The following CALD1 variants were observed in gnomAD, a reference collection of about 807,000 sequenced individuals.
CALD1 encodes the protein caldesmon.
A neutral mutation model predicts 99.9 loss-of-function variants in CALD1; 33 were observed. The ratio of observed to expected loss-of-function variants is 0.33; its 90% CI spans 0.25 to 0.44. The LOEUF (loss-of-function observed/expected upper bound fraction) is 0.44, where lower values mean the gene tolerates loss of function less well. Among genes scored for constraint, CALD1 ranks in the 20% least tolerant of loss-of-function variants. The pLI, the probability that CALD1 is intolerant of heterozygous loss-of-function variation, is 1.00. For synonymous variants in CALD1, 310 were observed against 325.0 expected, an observed-to-expected ratio of 0.95 and a Z score of 0.50; for missense variants, 861 against 962.1, an observed-to-expected ratio of 0.89 and a Z score of 1.39.
At chr7:134,891,699 T>C (rs1452664409) in intron 3 of CALD1, 2 of 1,466,188 alleles carry the variant, frequency 1.4e-6, no homozygotes, top group South Asian at 2.7e-5. Flanking sequence ...GTCTCTTTGG[T>C]TTTTTCCTTT....
At chr7:134,788,983 C>T (rs548968476) in intron 1 of CALD1, among the ~76,000 whole-genome samples, 82 of 149,204 alleles carry the variant, frequency 5.5e-4, no homozygotes, top group African/African-American at 1.6e-3. Flanking sequence ...CCACTGCACT[C>T]CACCCTGGGT....
chr7:134,914,605 C>T (rs376596641), intron 3 of CALD1, among the ~76,000 whole-genome samples: 13 of 152,210 alleles, frequency 8.5e-5, no homozygotes, highest in African/African-American at 2.9e-4. Flanking sequence ...GCACGATTGG[C>T]GCCTCACTAA....
intron 14 of CALD1, among the ~76,000 whole-genome samples, chr7:134,967,944 G>C (rs1221561458): frequency 6.6e-6 from 1 of 152,102 alleles, no homozygotes; most frequent in African/African-American, 2.4e-5. Flanking sequence ...AGGAGTTTGA[G>C]ATCAGCCTGG....
At chr7:134,887,736 CTG>C (rs890184582) in intron 3 of CALD1, among the ~76,000 whole-genome samples, 23 of 101,034 alleles carry the variant, frequency 2.3e-4, no homozygotes, top group Admixed American at 8.2e-4. Context: ...ATGTGTTTGC[CTG>C]TGTGTGCATG....
At position 134,874,730 on chromosome 7, in the gene CALD1, T is replaced by C. The variant is rs141233651; in HGVS notation, c.71+6926T>C. 5.6e-3 allele frequency among the ~76,000 whole-genome samples: 852 copies of C among 151,394 alleles called. 4 individuals carry two copies. The highest frequency in any genetic ancestry group is 1.0e-2 in the South Asian group (48 of 4,804). On this transcript the variant is annotated intron_variant, in intron 3 of 14. Transcript: ENST00000361675. Reference sequence around the variant, plus strand: ...AAATAAAGGGAATGAAAACACTTGCTGTTGTCATCATTCATACATTTTTAT... The same window carrying C: ...AAATAAAGGGAATGAAAACACTTGCCGTTGTCATCATTCATACATTTTTAT...
chr7:134,749,717 T>C (rs1206513652), intron 1 of CALD1, among the ~76,000 whole-genome samples: 1 of 152,140 alleles, frequency 6.6e-6, no homozygotes, highest in Non-Finnish European at 1.5e-5. Context: ...CAGGTGCTCA[T>C]TCTAACACCA....
rs1807013720 is a variant in CALD1, at chr7:134,947,753, G to A, written c.1778G>A (p.Arg593Gln). 1 of 1,613,890 alleles carries A rather than the reference G, an allele frequency of 6.2e-7. No homozygotes were observed. ...EQRRKQEEAD[R>Q]KLREEEEKRR... ...AGGAGGAAGCAGGAGGAAGCCGATC[G>A]AAAACTCAGAGAGGAGGTAAGGCGG... Residue 593 changes from arginine to glutamine, a missense_variant, in exon 8 of 15, where the codon CGA (arginine) becomes CAA (glutamine). Physicochemically the swap from Arg to Gln is conservative, Grantham distance 43. Around this residue, in one of 5 missense-constraint regions of CALD1, gnomAD observed 190 missense variants for 249.0 expected, o/e 0.76. Transcript: ENST00000361675.
intron 1 of CALD1, among the ~76,000 whole-genome samples, chr7:134,756,854 C>G (rs950071237): frequency 5.9e-5 from 9 of 152,118 alleles, no homozygotes; most frequent in African/African-American, 2.2e-4. Context: ...CCCGTAGGAA[C>G]CTTAAATGCC....
intron 3 of CALD1, among the ~76,000 whole-genome samples, chr7:134,904,781 G>C (rs991451295): frequency 3.9e-5 from 6 of 152,086 alleles, no homozygotes; most frequent in African/African-American, 1.2e-4. Flanking sequence ...TCTCCGTGAA[G>C]TCTGGGTATT....
At chr7:134,723,534 CTTTTTTTTT>C in the CALD1 span, among the ~76,000 whole-genome samples, 54 of 87,696 alleles carry the variant, frequency 6.2e-4, no homozygotes, top group Non-Finnish European at 9.3e-4. Context: ...GAAAAGGTAA[CTTTTTTTTT>C]TTTTTTTTTT....
intron 3 of CALD1, among the ~76,000 whole-genome samples, chr7:134,913,970 C>T (rs961536699): frequency 5.3e-5 from 8 of 152,172 alleles, no homozygotes; most frequent in African/African-American, 1.9e-4. Flanking sequence ...ACTTGAAGAC[C>T]TGGGTCAATC....
At chr7:134,932,851 A>C (rs985827801) in intron 4 of CALD1, 137 bp from the exon 5 acceptor site, 1 of 576,964 alleles carries the variant, frequency 1.7e-6, no homozygotes, top group Non-Finnish European at 3.0e-6. Context: ...CGTGTACTAA[A>C]ATGGTAACGT....
intron 3 of CALD1, among the ~76,000 whole-genome samples, chr7:134,905,636 G>A (rs1459399504): frequency 1.3e-5 from 2 of 152,042 alleles, no homozygotes; most frequent in South Asian, 2.1e-4. Flanking sequence ...CCTGCTTGAT[G>A]AGCAAACTTC....
intron 1 of CALD1, among the ~76,000 whole-genome samples, chr7:134,752,396 T>C (rs1381248948): frequency 6.6e-6 from 1 of 152,248 alleles, no homozygotes; most frequent in Non-Finnish European, 1.5e-5. Flanking sequence ...GAATAAGTTA[T>C]GATTTTAGCA....
At chr7:134,945,010 A>T (rs987161784) in intron 7 of CALD1, among the ~76,000 whole-genome samples, 12 of 152,222 alleles carry the variant, frequency 7.9e-5, no homozygotes, top group Admixed American at 7.9e-4. Context: ...GGTGCTAATG[A>T]TATGTCTTCA....
At chr7:134,769,672 C>T (rs1796861299) in intron 1 of CALD1, among the ~76,000 whole-genome samples, 1 of 152,002 alleles carries the variant, frequency 6.6e-6, no homozygotes, top group Non-Finnish European at 1.5e-5. Context: ...GCTGTGTTGC[C>T]CAGACTAGAG....
chr7:134,769,436 C>G (rs1214736826), intron 1 of CALD1, among the ~76,000 whole-genome samples: 1 of 151,726 alleles, frequency 6.6e-6, no homozygotes, highest in Non-Finnish European at 1.5e-5. Flanking sequence ...CTTTTTTTTT[C>G]TTTACCAATC....
chr7:134,757,239 T>C (rs10279045), intron 1 of CALD1, among the ~76,000 whole-genome samples: 105,567 of 151,964 alleles, frequency 0.69, 37,518 homozygotes, highest in East Asian at 0.99. Flanking sequence ...ACTTTACTCT[T>C]CCTTCTCTCT....
At chr7:134,737,845 T>A in the CALD1 span, among the ~76,000 whole-genome samples, 1 of 152,240 alleles carries the variant, frequency 6.6e-6, no homozygotes, top group Non-Finnish European at 1.5e-5. Flanking sequence ...TTCCAAAATA[T>A]TATTAGCCAG....
Sources: gnomAD v4.1 joint callset for allele counts (sites outside exome capture counted in the v4.1 genomes callset) on GRCh38, gnomAD v4.1.1 for gene constraint, gnomAD v4.1.1 regional missense constraint, MANE v1.5 for transcripts, NCBI Gene and HGNC (gene_info 2026-07-23, HGNC 2026-07-21) for gene names.